Variants in AKR1C8 observed in about 807,000 individuals in gnomAD.
AKR1C8 encodes the protein aldo-keto reductase family 1 member C8, also known as aldo-keto reductase family 1 member C-like protein 1.
At chr10:5,160,813 T>TCC in the AKR1C8 span, 1 of 470,998 alleles carries the variant, frequency 2.1e-6, no homozygotes, top group South Asian at 1.5e-5. Flanking sequence ...AGAACATACC[T>TCC]CCCAAGTGTC....
chr10:5,177,018 A>C, the AKR1C8 span, among the ~76,000 whole-genome samples: 2 of 151,938 alleles, frequency 1.3e-5, no homozygotes, highest in African/African-American at 2.4e-5. Flanking sequence ...CACTATGTTG[A>C]ATAGGAGTGG....
At chr10:5,165,446 A>T in the AKR1C8 span, among the ~76,000 whole-genome samples, 1 of 151,880 alleles carries the variant, frequency 6.6e-6, no homozygotes, top group South Asian at 2.1e-4. Flanking sequence ...CAAAACCTCT[A>T]GTTTCCCAAT....
the AKR1C8 span, among the ~76,000 whole-genome samples, chr10:5,161,535 C>A: frequency 6.6e-6 from 1 of 152,216 alleles, no homozygotes; most frequent in African/African-American, 2.4e-5. Flanking sequence ...CTTGAAGATC[C>A]TAATGGCTCA....
chr10:5,129,187 TAAC>T, the AKR1C8 span, among the ~76,000 whole-genome samples: 1 of 152,064 alleles, frequency 6.6e-6, no homozygotes, highest in African/African-American at 2.4e-5. Flanking sequence ...GATTTTGGGT[TAAC>T]AATAAAATCA....
At chr10:5,162,860 G>A in the AKR1C8 span, 1 of 533,916 alleles carries the variant, frequency 1.9e-6, no homozygotes, top group South Asian at 1.4e-5. Context: ...CACCTTGATG[G>A]TGTAGAATAT....
chr10:5,172,779 A>G, the AKR1C8 span, among the ~76,000 whole-genome samples: 913 of 152,242 alleles, frequency 6.0e-3, 5 homozygotes, highest in African/African-American at 0.021. Flanking sequence ...TCTTAAAAAT[A>G]TTTAAGTGCT....
chr10:5,175,499 G>A, the AKR1C8 span, among the ~76,000 whole-genome samples: 1 of 152,118 alleles, frequency 6.6e-6, no homozygotes, highest in Admixed American at 6.5e-5. Flanking sequence ...CCAGTAATGG[G>A]ATGGCTAGGT....
At chr10:5,162,132 C>T in the AKR1C8 span, among the ~76,000 whole-genome samples, 1 of 152,152 alleles carries the variant, frequency 6.6e-6, no homozygotes, top group Non-Finnish European at 1.5e-5. Context: ...TAAATCAAGT[C>T]CTTGCTGGGA....
the AKR1C8 span, among the ~76,000 whole-genome samples, chr10:5,176,127 T>C: frequency 6.6e-6 from 1 of 151,946 alleles, no homozygotes. Context: ...CGTTTAAGTC[T>C]TTAATCCATC....
the AKR1C8 span, among the ~76,000 whole-genome samples, chr10:5,120,382 G>T: frequency 6.6e-6 from 1 of 151,852 alleles, no homozygotes; most frequent in East Asian, 1.9e-4. Flanking sequence ...CCACTGGTTA[G>T]GGTCTCCACG....
chr10:5,175,804 G>A, the AKR1C8 span, among the ~76,000 whole-genome samples: 1,287 of 149,318 alleles, frequency 8.6e-3, 16 homozygotes, highest in African/African-American at 0.029. Flanking sequence ...CATGAACTTC[G>A]CCCACTTTTT....
chr10:5,178,994 A>G, the AKR1C8 span, among the ~76,000 whole-genome samples: 3 of 151,796 alleles, frequency 2.0e-5, no homozygotes, highest in South Asian at 2.1e-4. Flanking sequence ...AGTTAATATT[A>G]TTATGTTTGA....
the AKR1C8 span, among the ~76,000 whole-genome samples, chr10:5,149,581 G>A: frequency 6.6e-6 from 1 of 151,976 alleles, no homozygotes; most frequent in Non-Finnish European, 1.5e-5. Flanking sequence ...GTCATAAAAT[G>A]GCATTCTTTA....
chr10:5,180,082 G>T, the AKR1C8 span, among the ~76,000 whole-genome samples: 1 of 152,148 alleles, frequency 6.6e-6, no homozygotes, highest in Admixed American at 6.5e-5. Flanking sequence ...TTTCTACTCT[G>T]TTTTTTCCCC....
the AKR1C8 span, among the ~76,000 whole-genome samples, chr10:5,178,330 C>A: frequency 1.3e-5 from 2 of 152,116 alleles, no homozygotes; most frequent in African/African-American, 2.4e-5. Flanking sequence ...TTTGATTGCA[C>A]TGTGGTCTGA....
the AKR1C8 span, among the ~76,000 whole-genome samples, chr10:5,166,260 C>T: frequency 0.017 from 2,658 of 152,112 alleles, 74 homozygotes; most frequent in African/African-American, 0.06. Flanking sequence ...CTACCAATGA[C>T]TTTCTTCACA....
At chr10:5,175,073 T>C in the AKR1C8 span, among the ~76,000 whole-genome samples, 1 of 151,730 alleles carries the variant, frequency 6.6e-6, no homozygotes, top group African/African-American at 2.4e-5. Flanking sequence ...ACCCATTAAC[T>C]CGTCATTTAG....
At chr10:5,153,775 G>T in the AKR1C8 span, among the ~76,000 whole-genome samples, 5 of 152,160 alleles carry the variant, frequency 3.3e-5, no homozygotes, top group African/African-American at 1.2e-4. Flanking sequence ...CCTCCCACCA[G>T]ATCCCTCCTC....
At chr10:5,180,867 C>T in the AKR1C8 span, among the ~76,000 whole-genome samples, 10 of 152,312 alleles carry the variant, frequency 6.6e-5, no homozygotes, top group East Asian at 1.9e-4. Context: ...AGGAGTGACC[C>T]GATTTTCCAG....
Sources: allele counts gnomAD v4.1 joint callset (sites outside exome capture counted in the v4.1 genomes callset), GRCh38; gene constraint gnomAD v4.1.1; transcripts MANE v1.5; gene names NCBI Gene and HGNC (gene_info 2026-07-23, HGNC 2026-07-21).